LRRTM4: variants seen among roughly 807,000 people sequenced by gnomAD.
LRRTM4 encodes the protein leucine-rich repeat transmembrane neuronal protein 4.
LRRTM4 carries 25 observed loss-of-function variants against 47.6 expected under a neutral mutation model. That is an observed-to-expected ratio of 0.53 (90% CI 0.38 to 0.73). The LOEUF is 0.73. Among genes scored for constraint, LRRTM4 ranks in the 30% least tolerant of loss-of-function variants. LRRTM4 has a pLI of 0.00. For synonymous variants in LRRTM4, 311 were observed against 269.5 expected (o/e 1.15, Z -1.51); for missense variants, 638 against 713.4 (o/e 0.89, Z 1.20).
chr2:77,287,921 G>C (rs570908165), intron 3 of LRRTM4, among the ~76,000 whole-genome samples: 1 of 152,198 alleles, frequency 6.6e-6, no homozygotes, highest in East Asian at 1.9e-4. Context: ...TATCCTCCAT[G>C]GATAAAGGGG....
At chr2:77,476,499 A>G (rs974338434) in intron 3 of LRRTM4, among the ~76,000 whole-genome samples, 2 of 152,150 alleles carry the variant, frequency 1.3e-5, no homozygotes. Flanking sequence ...TTGATAACTC[A>G]TATATCAAAA....
chr2:77,107,787 C>G (rs573238157), intron 3 of LRRTM4, among the ~76,000 whole-genome samples: 1 of 130,352 alleles, frequency 7.7e-6, no homozygotes, highest in South Asian at 2.4e-4. Flanking sequence ...AGTTGCACTC[C>G]AGTCTGGGCA....
intron 3 of LRRTM4, among the ~76,000 whole-genome samples, chr2:76,968,359 T>TACAC (rs1288691582): frequency 2.5e-5 from 3 of 117,848 alleles, no homozygotes; most frequent in African/African-American, 9.2e-5. Flanking sequence ...TATATATATA[T>TACAC]ATATATATAT....
At chr2:77,056,196 A>T (rs1407082282) in intron 3 of LRRTM4, among the ~76,000 whole-genome samples, 1 of 131,120 alleles carries the variant, frequency 7.6e-6, no homozygotes, top group South Asian at 2.4e-4. Context: ...ATAATAATAA[A>T]AAGCTAATGT....
At chr2:77,455,654 C>G (rs1303503123) in intron 3 of LRRTM4, among the ~76,000 whole-genome samples, 1 of 152,018 alleles carries the variant, frequency 6.6e-6, no homozygotes, top group African/African-American at 2.4e-5. Flanking sequence ...ACTGGTCACT[C>G]TCTCTCATTT....
intron 3 of LRRTM4, among the ~76,000 whole-genome samples, chr2:76,767,579 G>C (rs1383814948): frequency 2.0e-5 from 3 of 152,124 alleles, no homozygotes; most frequent in Admixed American, 1.3e-4. Flanking sequence ...TAAAGCTACA[G>C]TTGGCTGTAG....
rs576503835 is a variant in LRRTM4, at chr2:77,227,198, T to C, written c.1551+291120A>G. Among the ~76,000 whole-genome samples, 3 of 152,142 alleles carry C rather than the reference T, an allele frequency of 2.0e-5. No individual in the cohort carries two copies. The East Asian group carries it at 5.8e-4, about 29-fold the overall frequency. On this transcript the variant is annotated intron_variant, in intron 3 of 3. Transcript: ENST00000409884. ...TTAGCAGCAATCTCCCTTAAGAATTTAACACACAGCCTCTGAGAAACAAAA... is the reference window on the plus strand; with the variant it reads ...TTAGCAGCAATCTCCCTTAAGAATTCAACACACAGCCTCTGAGAAACAAAA...
chr2:77,105,038 C>T (rs948702921), intron 3 of LRRTM4, among the ~76,000 whole-genome samples: 1 of 143,164 alleles, frequency 7.0e-6, no homozygotes, highest in African/African-American at 2.6e-5. Context: ...AATGAGCTAA[C>T]TAAAAAAATG....
chr2:76,890,421 A>G (rs1673215517), intron 3 of LRRTM4, among the ~76,000 whole-genome samples: 1 of 152,144 alleles, frequency 6.6e-6, no homozygotes, highest in East Asian at 1.9e-4. Context: ...GATTTATGTA[A>G]TTATCAAAAG....
chr2:76,869,146 T>A (rs896687170), intron 3 of LRRTM4, among the ~76,000 whole-genome samples: 2 of 151,950 alleles, frequency 1.3e-5, no homozygotes, highest in Non-Finnish European at 2.9e-5. Flanking sequence ...CCGTCTCTAC[T>A]AAAAATACAA....
chr2:76,845,937 A>G (rs555384655), intron 3 of LRRTM4, among the ~76,000 whole-genome samples: 1 of 152,296 alleles, frequency 6.6e-6, no homozygotes, highest in East Asian at 1.9e-4. Flanking sequence ...TCTTTGAACA[A>G]AACAGATTTG....
At chr2:77,415,902 T>C (rs1674618121) in intron 3 of LRRTM4, among the ~76,000 whole-genome samples, 1 of 152,164 alleles carries the variant, frequency 6.6e-6, no homozygotes, top group Admixed American at 6.6e-5. Context: ...ACACAAATGA[T>C]TGTCATTGAT....
chr2:77,059,541 T>C (rs1165837717), intron 3 of LRRTM4, among the ~76,000 whole-genome samples: 2 of 152,180 alleles, frequency 1.3e-5, no homozygotes, highest in African/African-American at 2.4e-5. Flanking sequence ...CTGACCAGCA[T>C]AATTTGTTTA....
intron 3 of LRRTM4, among the ~76,000 whole-genome samples, chr2:77,082,370 T>C (rs1680560912): frequency 1.3e-5 from 2 of 152,128 alleles, no homozygotes; most frequent in Non-Finnish European, 2.9e-5. Flanking sequence ...AAAATTCAAA[T>C]ACCTTACTAT....
At chr2:77,124,181 T>G (rs1288086124) in intron 3 of LRRTM4, among the ~76,000 whole-genome samples, 1 of 151,654 alleles carries the variant, frequency 6.6e-6, no homozygotes, top group Non-Finnish European at 1.5e-5. Context: ...CAATTCTGAG[T>G]CCTATATCTG....
chr2:77,492,920 A>T (rs936248327), intron 3 of LRRTM4, among the ~76,000 whole-genome samples: 1 of 152,288 alleles, frequency 6.6e-6, no homozygotes, highest in African/African-American at 2.4e-5. Flanking sequence ...CAACCTAGGA[A>T]AATCTCAATT....
intron 3 of LRRTM4, among the ~76,000 whole-genome samples, chr2:77,304,882 G>A (rs776003153): frequency 2.8e-4 from 42 of 152,004 alleles, no homozygotes; most frequent in Non-Finnish European, 5.0e-4. Flanking sequence ...GCCTTTCTGA[G>A]TCCAAAACTT....
chr2:76,878,192 C>A (rs976489088), intron 3 of LRRTM4, among the ~76,000 whole-genome samples: 1 of 152,100 alleles, frequency 6.6e-6, no homozygotes, highest in South Asian at 2.1e-4. Context: ...GTTTTGGGCA[C>A]AGCAAACGGC....
intron 3 of LRRTM4, among the ~76,000 whole-genome samples, chr2:77,512,261 G>A (rs894367269): frequency 5.3e-5 from 8 of 152,006 alleles, no homozygotes; most frequent in Non-Finnish European, 8.8e-5. Context: ...TCTAGCAGAC[G>A]TTTATTTAAA....
Sources: gnomAD v4.1 joint callset for allele counts (sites outside exome capture counted in the v4.1 genomes callset) on GRCh38, gnomAD v4.1.1 for gene constraint, MANE v1.5 for transcripts, NCBI Gene and HGNC (gene_info 2026-07-23, HGNC 2026-07-21) for gene names.